The following FGGY variants were observed in gnomAD, a reference collection of about 807,000 sequenced individuals.
The protein encoded by FGGY is FGGY carbohydrate kinase domain containing, also known as FGGY carbohydrate kinase domain-containing protein.
In FGGY, 72 loss-of-function variants were observed where a neutral mutation model predicts 71.3. The ratio of observed to expected loss-of-function variants is 1.01; its 90% CI spans 0.84 to 1.23. The LOEUF (loss-of-function observed/expected upper bound fraction) is 1.23, where lower values mean the gene tolerates loss of function less well. Among genes scored for constraint, FGGY ranks in the 50% most tolerant of loss-of-function variants. The pLI is 0.00. For synonymous variants in FGGY, 251 were observed against 250.3 expected, an observed-to-expected ratio of 1.00 and a Z score of -0.02; for missense variants, 668 against 682.3, an observed-to-expected ratio of 0.98 and a Z score of 0.23.
intron 8 of FGGY, among the ~76,000 whole-genome samples, chr1:59,591,032 A>G (rs1270078336): frequency 2.0e-5 from 3 of 152,224 alleles, no homozygotes; most frequent in Non-Finnish European, 4.4e-5. Context: ...TTGTATATCT[A>G]GAAAACCCCA....
chr1:59,355,549 ATT>A (rs112884353), intron 4 of FGGY, among the ~76,000 whole-genome samples: 5 of 147,638 alleles, frequency 3.4e-5, no homozygotes, highest in African/African-American at 1.2e-4. Context: ...TGAGCAAGGG[ATT>A]TTTTTTTTTT....
At chr1:59,375,436 G>C (rs2058507166) in intron 4 of FGGY, among the ~76,000 whole-genome samples, 2 of 152,066 alleles carry the variant, frequency 1.3e-5, no homozygotes, top group Admixed American at 1.3e-4. Context: ...GAGAAAGCAG[G>C]GAATATTGCT....
intron 4 of FGGY, among the ~76,000 whole-genome samples, chr1:59,378,111 C>A (rs1367815905): frequency 1.3e-5 from 2 of 152,082 alleles, no homozygotes; most frequent in African/African-American, 2.4e-5. Flanking sequence ...ATGTCCATCA[C>A]CATTCACTGG....
Position 59,512,393 on chromosome 1 carries a change from G to A in FGGY, c.753G>A (p.Gly251=). ...EAARDLGLLP[G]IAVAASLIDA... ...CAAGAGACCTTGGCCTTCTCCCTGG[G>A]ATTGCGGTCGCAGCTTCACTCATTG... Residue 251 remains glycine, a synonymous_variant, in exon 7 of 16, where the codon GGG becomes GGA. Transcript: ENST00000303721. 1 of 1,613,898 alleles carries A rather than the reference G, an allele frequency of 6.2e-7. No homozygotes were observed. Among genetic ancestry groups the A allele is most frequent in the Non-Finnish European group, 8.5e-7 (1 of 1,179,878 alleles).
intron 1 of FGGY, among the ~76,000 whole-genome samples, chr1:59,297,633 T>C (rs1238377591): frequency 6.6e-6 from 1 of 152,014 alleles, no homozygotes; most frequent in African/African-American, 2.4e-5. Flanking sequence ...CCATCCAGGC[T>C]AACACGGTGA....
intron 4 of FGGY, among the ~76,000 whole-genome samples, chr1:59,369,314 C>A (rs1160594697): frequency 1.3e-5 from 2 of 152,188 alleles, no homozygotes; most frequent in African/African-American, 4.8e-5. Flanking sequence ...TGATTGCTAG[C>A]ACAGCAGTCT....
intron 5 of FGGY, among the ~76,000 whole-genome samples, chr1:59,389,371 G>T (rs1275367508): frequency 6.6e-6 from 1 of 152,070 alleles, no homozygotes; most frequent in Admixed American, 6.5e-5. Context: ...TGTTTTCAAG[G>T]TGTGTCTATG....
intron 6 of FGGY, among the ~76,000 whole-genome samples, chr1:59,463,961 C>G (rs1177496204): frequency 6.6e-6 from 1 of 152,178 alleles, no homozygotes; most frequent in African/African-American, 2.4e-5. Flanking sequence ...ATCAACAAGA[C>G]AGAAGCTTAA....
chr1:59,409,654 G>T, intron 5 of FGGY, among the ~76,000 whole-genome samples: 1 of 150,430 alleles, frequency 6.6e-6, no homozygotes, highest in African/African-American at 2.5e-5. Context: ...GCTCTGGGAG[G>T]TTACAGAAAC....
At chr1:59,453,632 A>G (rs2091410480) in intron 5 of FGGY, among the ~76,000 whole-genome samples, 2 of 152,080 alleles carry the variant, frequency 1.3e-5, no homozygotes, top group African/African-American at 4.8e-5. Flanking sequence ...GCCCTGCTCC[A>G]TGTTTCTCTT....
intron 14 of FGGY, among the ~76,000 whole-genome samples, chr1:59,696,476 C>T (rs928122824): frequency 7.9e-4 from 120 of 152,082 alleles, no homozygotes; most frequent in African/African-American, 2.6e-3. Context: ...TGAAATAGTA[C>T]GATAATATGT....
At chr1:59,587,585 C>T (rs1437529069) in intron 8 of FGGY, among the ~76,000 whole-genome samples, 1 of 152,178 alleles carries the variant, frequency 6.6e-6, no homozygotes, top group African/African-American at 2.4e-5. Context: ...GCCGGGTACT[C>T]CTCTGAGACA....
At chr1:59,751,895 T>TTAAA (rs1293007630) in intron 14 of FGGY, among the ~76,000 whole-genome samples, 1 of 152,196 alleles carries the variant, frequency 6.6e-6, no homozygotes, top group Non-Finnish European at 1.5e-5. Flanking sequence ...GAGGGTTAGT[T>TTAAA]TAAACTAGTT....
intron 8 of FGGY, among the ~76,000 whole-genome samples, chr1:59,592,558 G>C (rs540366811): frequency 1.5e-4 from 23 of 152,204 alleles, no homozygotes; most frequent in East Asian, 9.7e-4. Context: ...ATGATAGACT[G>C]GATTAAGAAA....
chr1:59,700,680 A>C (rs975257134), intron 14 of FGGY, among the ~76,000 whole-genome samples: 5 of 152,284 alleles, frequency 3.3e-5, no homozygotes, highest in Middle Eastern at 6.8e-3. Flanking sequence ...CTGCCCTCAT[A>C]GAACTTACAT....
intron 5 of FGGY, among the ~76,000 whole-genome samples, chr1:59,397,914 A>T (rs2061509357): frequency 6.6e-6 from 1 of 152,156 alleles, no homozygotes; most frequent in Admixed American, 6.5e-5. Flanking sequence ...TGACCTTTGA[A>T]ATAGCATCTA....
intron 8 of FGGY, among the ~76,000 whole-genome samples, chr1:59,593,000 C>A (rs1197626181): frequency 2.0e-5 from 3 of 152,178 alleles, no homozygotes; most frequent in African/African-American, 7.2e-5. Flanking sequence ...GGCAAAGCCT[C>A]TTTTCCTCTG....
At chr1:59,672,236 T>G (rs1429772795) in intron 13 of FGGY, among the ~76,000 whole-genome samples, 1 of 152,182 alleles carries the variant, frequency 6.6e-6, no homozygotes, top group Admixed American at 6.5e-5. Flanking sequence ...CTTCCCCACT[T>G]ATCCAGTTTT....
chr1:59,486,853 GAGCTATCTCCACAGTGGAAACTGATA>G (rs2093672696), intron 6 of FGGY, among the ~76,000 whole-genome samples: 1 of 152,176 alleles, frequency 6.6e-6, no homozygotes, highest in South Asian at 2.1e-4. Context: ...ATCCCTGAGG[GAGCTATCTCCACAGTGGAAACTGATA>G]AGCTATCTCC....
Sources: gnomAD v4.1 joint callset for allele counts (sites outside exome capture counted in the v4.1 genomes callset) on GRCh38, gnomAD v4.1.1 for gene constraint, MANE v1.5 for transcripts, NCBI Gene and HGNC (gene_info 2026-07-23, HGNC 2026-07-21) for gene names.